UTP20: variants seen among roughly 807,000 people sequenced by gnomAD.
The protein encoded by UTP20 is small subunit processome component 20 homolog.
UTP20 carries 164 observed loss-of-function variants against 329.5 expected under a neutral mutation model. That is an observed-to-expected ratio of 0.50 (90% confidence interval 0.44 to 0.57). The LOEUF (loss-of-function observed/expected upper bound fraction) is 0.57, where lower values mean the gene tolerates loss of function less well. Ranked by LOEUF, UTP20 falls within the 20% of genes least tolerant of loss-of-function variation. UTP20 has a pLI of 0.00. For synonymous variants in UTP20, 1,151 were observed against 1,159.3 expected (o/e 0.99, Z 0.14); for missense variants, 3,055 against 3,284.2 (o/e 0.93, Z 1.71).
chr12:101,329,174 A>G (rs1868669702), intron 26 of UTP20, 67 bp from the exon 27 acceptor site: 2 of 1,357,686 alleles, frequency 1.5e-6, no homozygotes, highest in Admixed American at 2.0e-5. Context: ...AAATAAAACT[A>G]CAATTATAAA....
chr12:101,330,775 C>A (rs941722713), intron 27 of UTP20, among the ~76,000 whole-genome samples: 1 of 152,142 alleles, frequency 6.6e-6, no homozygotes, highest in Non-Finnish European at 1.5e-5. Flanking sequence ...AGCCTCACTC[C>A]CAAGTCAATA....
chr12:101,326,255 T>C (rs1402260305), intron 25 of UTP20, among the ~76,000 whole-genome samples: 2 of 152,216 alleles, frequency 1.3e-5, no homozygotes, highest in East Asian at 3.8e-4. Flanking sequence ...CTGGATACTA[T>C]AGTTACAAAT....
rs567644198 is a variant in UTP20, at chr12:101,375,537, C to T, written c.7264-87C>T. The stretch of plus-strand genomic sequence containing the variant: ...AGGAGTGCCGAGGGAGGTTCAGAAA[C>T]GGGTGGATTGATGTGCTGGAGTAAA... On this transcript the variant is annotated intron_variant, in intron 55 of 61. Coordinates refer to ENST00000261637, the MANE Select transcript of UTP20 (RefSeq NM_014503.3). 695 of 1,421,820 alleles carry T rather than the reference C, an allele frequency of 4.9e-4. 7 individuals are homozygous for T. The South Asian group carries it at 6.7e-3, about 14-fold the overall frequency. 88.1% of individuals were successfully genotyped at this position (1,421,820 alleles called of 1,614,324 possible).
At chr12:101,306,788 T>C in intron 17 of UTP20, 27 bp downstream of exon 17, 5 of 1,565,908 alleles carry the variant, frequency 3.2e-6, no homozygotes, top group Non-Finnish European at 4.3e-6. Context: ...AGTGGATAGG[T>C]TTTAAAAAAA....
chr12:101,296,904 G>A (rs1872375768), intron 12 of UTP20, among the ~76,000 whole-genome samples: 1 of 152,162 alleles, frequency 6.6e-6, no homozygotes, highest in Non-Finnish European at 1.5e-5. Context: ...AAGATTTATT[G>A]TATCATTTCT....
In UTP20 at chr12:101,374,904, A is replaced by AT; in HGVS notation, c.7230dup (p.Glu2411Ter). On this transcript the variant is annotated frameshift_variant, in exon 55 of 62. Coordinates refer to ENST00000261637, the MANE Select transcript of UTP20 (RefSeq NM_014503.3). LOFTEE classifies it high-confidence loss of function. The stretch of plus-strand genomic sequence containing the variant: ...AAGACTTGGAACTGTCCTTCCTGTG[A>AT]TTGAAAAGGAAATTGATCCTGAAAA... The AT allele has an allele frequency of 6.2e-7, 1 of 1,611,582 alleles. No homozygotes were observed.
Position 101,363,711 on chromosome 12 carries a change from C to T in UTP20, c.5926C>T (p.Gln1976Ter). Residue 1976 changes from glutamine (Q) to a stop codon, truncating the protein, a stop_gained, in exon 45 of 62, where the codon CAG (glutamine) becomes TAG (stop). Transcript: ENST00000261637. LOFTEE classifies it high-confidence loss of function. ...CCTCGGCAAGTTTGTAGGAAAAGAT[C>T]AGGTTACAAAACTCATCCTTCCATT... ...EILGKFVGKD[Q>*]VTKLILPLKE... is the part of the protein sequence containing the mutation. 1 of 1,610,956 alleles carries T rather than the reference C, an allele frequency of 6.2e-7. No homozygotes were observed. Among genetic ancestry groups the T allele is most frequent in the Non-Finnish European group, 8.5e-7 (1 of 1,177,164 alleles).
At chr12:101,294,700 G>A (rs768481748) in intron 11 of UTP20, among the ~76,000 whole-genome samples, 3 of 151,782 alleles carry the variant, frequency 2.0e-5, no homozygotes, top group Admixed American at 6.6e-5. Flanking sequence ...GTGCCCCCAC[G>A]CCTGGCTAAT....
intron 21 of UTP20, among the ~76,000 whole-genome samples, chr12:101,312,877 C>A (rs2137253715): frequency 6.6e-6 from 1 of 152,230 alleles, no homozygotes; most frequent in East Asian, 1.9e-4. Context: ...ACCAGCACAC[C>A]AGTGGTATTA....
At chr12:101,310,303 C>T (rs927381794) in intron 19 of UTP20, among the ~76,000 whole-genome samples, 15 of 152,134 alleles carry the variant, frequency 9.9e-5, no homozygotes, top group Non-Finnish European at 1.6e-4. Flanking sequence ...AGGCCGGGCA[C>T]GGTGACTCAT....
At chr12:101,312,505 G>A (rs1872828140) in intron 21 of UTP20, among the ~76,000 whole-genome samples, 1 of 152,146 alleles carries the variant, frequency 6.6e-6, no homozygotes, top group African/African-American at 2.4e-5. Context: ...GCAGTGGTGC[G>A]ATCTCGGCTC....
chr12:101,351,333 G>T (rs187747209), intron 38 of UTP20, among the ~76,000 whole-genome samples: 100 of 152,086 alleles, frequency 6.6e-4, no homozygotes, highest in Middle Eastern at 3.4e-3. Flanking sequence ...CACCATGTTG[G>T]TCAGGCTGGT....
chr12:101,352,163 A>G lies in UTP20; in HGVS notation c.4993A>G (p.Thr1665Ala). 6.2e-7 allele frequency: 1 copy of G among 1,613,224 alleles called. No homozygotes were observed. The highest frequency in any genetic ancestry group is 1.1e-5 in the South Asian group (1 of 90,508). ...GAAACATTTCATTCATGTCTTACAA[A>G]CGGGACAGATCAATCAAAAACTGGG... is the stretch of plus-strand genomic sequence containing the variant. ...YLKHFIHVLQ[T>A]GQINQKLGVS... Residue 1665 changes from threonine to alanine, a missense_variant, in exon 39 of 62, where the codon ACG (threonine) becomes GCG (alanine). Transcript: ENST00000261637.
chr12:101,328,921 G>A (rs989520287), intron 26 of UTP20, among the ~76,000 whole-genome samples: 1 of 151,574 alleles, frequency 6.6e-6, no homozygotes, highest in African/African-American at 2.4e-5. Context: ...TCATAACTCA[G>A]GTTTTGAGGG....
In UTP20 at chr12:101,379,360, G is replaced by T; in HGVS notation, c.7397-11G>T. ...CATGTGACATCCACAAATGCTTTTT[G>T]GTTCCCTTAGGTCATGTGCATTCTC... On this transcript the variant is annotated splice_polypyrimidine_tract_variant and intron_variant, in intron 56 of 61. Transcript: ENST00000261637. 1 of 1,565,810 alleles carries T rather than the reference G, an allele frequency of 6.4e-7. No individual in the cohort carries two copies. Among genetic ancestry groups the T allele is most frequent in the Non-Finnish European group, 8.7e-7 (1 of 1,153,370 alleles).
rs762768424 is a variant in UTP20 at position 101,370,429 on chromosome 12, C to T, written c.6556-3C>T. ...CTGTTAACATCACTATTGTAACTTG[C>T]AGTGTGTGACCATACTTGTCAAGAA... On this transcript the variant is annotated splice_polypyrimidine_tract_variant and splice_region_variant and intron_variant, in intron 49 of 61. Coordinates refer to ENST00000261637, the MANE Select transcript of UTP20 (RefSeq NM_014503.3). 6.2e-7 allele frequency: 1 copy of T among 1,611,680 alleles called. No individual in the cohort carries two copies. The highest frequency in any genetic ancestry group is 2.2e-5 in the East Asian group (1 of 44,848).
At chr12:101,307,177 CA>C (rs1157893344) in intron 17 of UTP20, among the ~76,000 whole-genome samples, 903 of 71,736 alleles carry the variant, frequency 0.013, 4 homozygotes, top group African/African-American at 0.021. Flanking sequence ...GACTCCGTCT[CA>C]AAAAAAAAAA....
At chr12:101,372,390 ACTT>A (rs1250122337) in intron 51 of UTP20, among the ~76,000 whole-genome samples, 3 of 152,244 alleles carry the variant, frequency 2.0e-5, no homozygotes, top group Admixed American at 6.5e-5. Flanking sequence ...ATTATCACGA[ACTT>A]CTTAAGGGAA....
rs1565795352 is a variant in UTP20, at chr12:101,329,349, A to G, written c.3317A>G (p.Lys1106Arg). The change falls in exon 27 of 62, where the codon AAA becomes AGA. Residue 1106 changes from lysine to arginine, a missense_variant. Lys to Arg is a conservative substitution (Grantham distance 26, BLOSUM62 2). Coordinates refer to ENST00000261637, the MANE Select transcript of UTP20 (RefSeq NM_014503.3). The part of the protein sequence containing the change: ...GILNSLEIVL[K>R]NISHLISAYL... Reference sequence around the variant, plus strand: ...TTAAACAGCCTTGAGATAGTATTGAAAAACATTAGTCATCTGATCAGCGCA... The same window carrying G: ...TTAAACAGCCTTGAGATAGTATTGAGAAACATTAGTCATCTGATCAGCGCA... 1 of 1,614,152 alleles carries G rather than the reference A, an allele frequency of 6.2e-7. No individual in the cohort carries two copies. Among genetic ancestry groups the G allele is most frequent in the Non-Finnish European group, 8.5e-7 (1 of 1,180,030 alleles).
Sources: gnomAD v4.1 joint callset for allele counts (sites outside exome capture counted in the v4.1 genomes callset) on GRCh38, gnomAD v4.1.1 for gene constraint, MANE v1.5 for transcripts, NCBI Gene and HGNC (gene_info 2026-07-23, HGNC 2026-07-21) for gene names.